SSPN: variants seen among roughly 807,000 people sequenced by gnomAD.
The protein encoded by SSPN is K-ras oncogene-associated protein.
In SSPN, 15 loss-of-function variants were observed where a neutral mutation model predicts 19.1. The observed-to-expected ratio is 0.78, with a 90% CI of 0.52 to 1.21. The LOEUF (loss-of-function observed/expected upper bound fraction) is 1.21, where lower values mean the gene tolerates loss of function less well. Among genes scored for constraint, SSPN ranks in the 50% most tolerant of loss-of-function variants. The pLI is 0.00. For missense variants in SSPN, 291 were observed against 314.0 expected (o/e 0.93, Z 0.55); for synonymous variants, 147 against 140.3 (o/e 1.05, Z -0.34).
chr12:26,138,031 G>A (rs572531324), intron 1 of SSPN, among the ~76,000 whole-genome samples: 2 of 151,886 alleles, frequency 1.3e-5, no homozygotes, highest in East Asian at 1.9e-4. Context: ...GACCTCCCCC[G>A]ACCCCATGAT....
chr12:26,181,733 A>G (rs1425522423), intron 1 of SSPN, among the ~76,000 whole-genome samples: 1 of 152,238 alleles, frequency 6.6e-6, no homozygotes, highest in East Asian at 1.9e-4. Flanking sequence ...AGAAACCAGT[A>G]AACTAAATGC....
chr12:26,196,428 C>T (rs986937456), intron 1 of SSPN, among the ~76,000 whole-genome samples: 6 of 152,176 alleles, frequency 3.9e-5, no homozygotes, highest in Non-Finnish European at 1.5e-5. Context: ...ATGTTTTAAA[C>T]TGAGGCTCCA....
intron 1 of SSPN, among the ~76,000 whole-genome samples, chr12:26,189,457 C>G (rs1300658756): frequency 6.6e-6 from 1 of 152,142 alleles, no homozygotes; most frequent in African/African-American, 2.4e-5. Flanking sequence ...ATTCTTTCCT[C>G]CTACCTCAGC....
chr12:26,154,675 G>A (rs1053481719), intron 1 of SSPN, among the ~76,000 whole-genome samples: 2 of 152,174 alleles, frequency 1.3e-5, no homozygotes, highest in Non-Finnish European at 2.9e-5. Context: ...AAGATTAACT[G>A]AGATAAGTAG....
At chr12:26,129,891 T>C (rs1944387908) in intron 1 of SSPN, among the ~76,000 whole-genome samples, 1 of 152,224 alleles carries the variant, frequency 6.6e-6, no homozygotes, top group Non-Finnish European at 1.5e-5. Context: ...TCATGCAGGC[T>C]GTTCTGCATT....
rs534835927 is a variant in SSPN at position 26,147,441 on chromosome 12, T to G, written c.-31+25289T>G. ...CACCTGCCATCATGCCCGGCTAATT[T>G]TTGTATTTTTGTAGAGATGGGGTTT... On this transcript the variant is annotated intron_variant, in intron 1 of 2. Transcript: ENST00000538142. Among the ~76,000 whole-genome samples, 5 of 152,212 alleles carry G rather than the reference T, an allele frequency of 3.3e-5. No homozygotes were observed. The South Asian group carries it at 1.0e-3, about 32-fold the overall frequency.
chr12:26,175,188 T>A (rs555079842), intron 1 of SSPN, among the ~76,000 whole-genome samples: 25 of 152,236 alleles, frequency 1.6e-4, no homozygotes, highest in Non-Finnish European at 2.6e-4. Context: ...CTGCAGTTTC[T>A]CTACATCCTC....
chr12:26,231,085 C>T lies in SSPN; in HGVS notation c.*9C>T. ...CCCAGCAAAAGATCTAACATTCTTGCTCAAAGTTGCGAGAGAAAGTAGCAC... is the reference window on the plus strand; with the variant it reads ...CCCAGCAAAAGATCTAACATTCTTGTTCAAAGTTGCGAGAGAAAGTAGCAC... On this transcript the variant is annotated 3_prime_UTR_variant, in exon 3 of 3. Transcript: ENST00000242729. 3 of 1,602,782 alleles carry T rather than the reference C, an allele frequency of 1.9e-6. No homozygotes were observed. Among genetic ancestry groups the T allele is most frequent in the Non-Finnish European group, 2.6e-6 (3 of 1,172,554 alleles).
chr12:26,200,401 A>G lies in SSPN; in HGVS notation c.279+4450A>G, dbSNP rs570681909. Among the ~76,000 whole-genome samples, 5 of 152,280 alleles carry G rather than the reference A, an allele frequency of 3.3e-5. No individual in the cohort carries two copies. The South Asian group carries it at 1.0e-3, about 32-fold the overall frequency. ...TTGCAGGTTTATTCAGGTTTTAAAAACCGATTTTAAGTCTTGCCTTAATGG... is the reference window on the plus strand; with the variant it reads ...TTGCAGGTTTATTCAGGTTTTAAAAGCCGATTTTAAGTCTTGCCTTAATGG... On this transcript the variant is annotated intron_variant, in intron 1 of 2. Coordinates refer to ENST00000242729, the MANE Select transcript of SSPN (RefSeq NM_005086.5).
At chr12:26,225,655 T>G (rs887763386) in intron 2 of SSPN, among the ~76,000 whole-genome samples, 2 of 151,734 alleles carry the variant, frequency 1.3e-5, no homozygotes, top group Admixed American at 1.3e-4. Context: ...GTCTGAGGAC[T>G]TTCCTTGAAA....
intron 1 of SSPN, among the ~76,000 whole-genome samples, chr12:26,166,180 T>G (rs1944619967): frequency 6.6e-6 from 1 of 152,116 alleles, no homozygotes; most frequent in Admixed American, 6.5e-5. Flanking sequence ...TAGATGACGG[T>G]TGATGAGTGT....
chr12:26,172,801 C>T (rs1455169689), intron 1 of SSPN, among the ~76,000 whole-genome samples: 1 of 150,554 alleles, frequency 6.6e-6, no homozygotes, highest in Admixed American at 6.6e-5. Context: ...CTTGCTCTGT[C>T]GCCAGGCTGG....
rs754027811 is a variant in SSPN, at chr12:26,233,486, G to T, written c.*2410G>T. On this transcript the variant is annotated 3_prime_UTR_variant, in exon 3 of 3. Coordinates refer to ENST00000242729, the MANE Select transcript of SSPN (RefSeq NM_005086.5). This position sits in a 1 kb window ranked among gnomAD's most constrained non-coding sequence, Gnocchi z 4.3. ...TAGAAAGAACTAAACAGAAAAGAAA[G>T]AAAGAAAAGATCCCTTTGCTATGAG... The T allele has an allele frequency of 2.0e-5, 3 of 152,014 alleles. No homozygotes were observed. Among genetic ancestry groups the T allele is most frequent in the Non-Finnish European group, 4.4e-5 (3 of 67,984 alleles). 9.4% of individuals were successfully genotyped at this position (152,014 alleles called of 1,614,324 possible). A position where few individuals can be genotyped will look rare whatever the true frequency, so the allele number is the denominator to read the frequency against.
chr12:26,122,914 C>A (rs1438123652), intron 1 of SSPN: 1 of 1,548,458 alleles, frequency 6.5e-7, no homozygotes, highest in African/African-American at 1.4e-5. Context: ...AGGCAGGGGG[C>A]GGCCGCGGAC....
intron 1 of SSPN, chr12:26,123,049 C>T (rs1225229789): frequency 1.3e-6 from 2 of 1,580,614 alleles, no homozygotes; most frequent in Admixed American, 1.8e-5. Context: ...CACCGCGGCT[C>T]CCTGGGTGTC....
Position 26,231,923 on chromosome 12 carries a change from G to A in SSPN, c.*847G>A, listed in dbSNP as rs775890367. The A allele has an allele frequency of 4.6e-5, 45 of 984,820 alleles. 1 individual carries two copies. Among genetic ancestry groups the A allele is most frequent in the East Asian group, 3.4e-4 (3 of 8,816 alleles). 61.0% of individuals were successfully genotyped at this position (984,820 alleles called of 1,614,324 possible). A position where few individuals can be genotyped will look rare whatever the true frequency, so the allele number is the denominator to read the frequency against. On this transcript the variant is annotated 3_prime_UTR_variant, in exon 3 of 3. Coordinates refer to ENST00000242729, the MANE Select transcript of SSPN (RefSeq NM_005086.5). ...TTTAATGAGCTCTGACTGTACTTAC[G>A]CTGCACTGTCGGTGTTAAGAGAAAT...
chr12:26,134,713 C>G (rs945537781), intron 1 of SSPN, among the ~76,000 whole-genome samples: 2 of 152,086 alleles, frequency 1.3e-5, no homozygotes, highest in African/African-American at 4.8e-5. Context: ...TGGTTCCCAC[C>G]CTCCCATCCC....
chr12:26,175,879 C>G (rs985320768), intron 1 of SSPN, among the ~76,000 whole-genome samples: 30 of 151,096 alleles, frequency 2.0e-4, no homozygotes, highest in African/African-American at 6.8e-4. Context: ...CTCTGTCACC[C>G]AGGCTGGAGT....
chr12:26,122,321 G>A lies in SSPN; in HGVS notation c.-31+169G>A, dbSNP rs1168086949. On this transcript the variant is annotated intron_variant, in intron 1 of 2. Coordinates refer to the SSPN transcript ENST00000538142. ...CGGCAGCGGCGGCGGCGGCTGCCGC[G>A]GCTGCCGCCGGGGCGGGGATGCCGG... 5 of 1,163,600 alleles carry A rather than the reference G, an allele frequency of 4.3e-6. No individual in the cohort carries two copies. The African/African-American group carries it at 8.3e-5, about 19-fold the overall frequency. The allele number at this position is 1,163,600 out of a possible 1,614,324, so 72.1% of individuals were successfully genotyped here. A position where few individuals can be genotyped will look rare whatever the true frequency, so the allele number is the denominator to read the frequency against.
Sources: gnomAD v4.1 joint callset for allele counts (sites outside exome capture counted in the v4.1 genomes callset) on GRCh38, gnomAD v4.1.1 for gene constraint, Gnocchi (gnomAD v3.1) non-coding constraint, MANE v1.5 for transcripts, NCBI Gene and HGNC (gene_info 2026-07-23, HGNC 2026-07-21) for gene names.